YWHAQ: variants seen among roughly 807,000 people sequenced by gnomAD.
The protein encoded by YWHAQ is tyrosine 3-monooxygenase/tryptophan 5-monooxygenase activation protein theta.
YWHAQ carries 6 observed loss-of-function variants against 28.3 expected under a neutral mutation model. The observed-to-expected ratio is 0.21, with a 90% CI of 0.12 to 0.42. The LOEUF is 0.42. Ranked by LOEUF, YWHAQ falls within the 10% of genes least tolerant of loss-of-function variation. YWHAQ has a pLI of 1.00. For synonymous variants in YWHAQ, 143 were observed against 119.1 expected, an observed-to-expected ratio of 1.20 and a Z score of -1.31; for missense variants, 201 against 305.6, an observed-to-expected ratio of 0.66 and a Z score of 2.55.
At chr2:9,600,749 A>T (rs535376912) in intron 2 of YWHAQ, among the ~76,000 whole-genome samples, 5 of 152,230 alleles carry the variant, frequency 3.3e-5, no homozygotes, top group Non-Finnish European at 7.4e-5. Context: ...TTGTGAAAGG[A>T]AGCACAAACT....
At chr2:9,618,776 A>G (rs1223861589) in intron 2 of YWHAQ, among the ~76,000 whole-genome samples, 1 of 151,862 alleles carries the variant, frequency 6.6e-6, no homozygotes, top group Non-Finnish European at 1.5e-5. Flanking sequence ...AGCCTCCCAA[A>G]TTGCTAGGGT....
chr2:9,598,112 A>T (rs1176193630), intron 2 of YWHAQ, among the ~76,000 whole-genome samples: 2 of 149,900 alleles, frequency 1.3e-5, no homozygotes, highest in East Asian at 3.9e-4. Flanking sequence ...GATTACAGGC[A>T]TGAGCCACCG....
chr2:9,627,512 TAGTC>T (rs1374109023), intron 2 of YWHAQ, among the ~76,000 whole-genome samples: 1 of 152,190 alleles, frequency 6.6e-6, no homozygotes, highest in Non-Finnish European at 1.5e-5. Context: ...ACAGACTGGT[TAGTC>T]AGCCCTCAAA....
chr2:9,585,374 C>T, intron 5 of YWHAQ, 29 bp from the exon 6 acceptor site: 1 of 1,612,972 alleles, frequency 6.2e-7, no homozygotes, highest in South Asian at 1.1e-5. Context: ...TATTAAGTTA[C>T]TATTTCTAGA....
chr2:9,629,827 G>C (rs938657611), intron 2 of YWHAQ, among the ~76,000 whole-genome samples: 1 of 152,156 alleles, frequency 6.6e-6, no homozygotes, highest in Non-Finnish European at 1.5e-5. Context: ...TACATTTAAA[G>C]GGCTCACAGA....
intron 2 of YWHAQ, among the ~76,000 whole-genome samples, chr2:9,606,812 TC>T (rs1666839400): frequency 1.3e-5 from 2 of 152,180 alleles, no homozygotes; most frequent in South Asian, 4.1e-4. Context: ...ACTAATTAGT[TC>T]ATTTTTTAGC....
chr2:9,618,340 G>A (rs1185359399), intron 2 of YWHAQ, among the ~76,000 whole-genome samples: 1 of 152,166 alleles, frequency 6.6e-6, no homozygotes, highest in African/African-American at 2.4e-5. Flanking sequence ...CTCTAACAAG[G>A]ATAGTATCTG....
chr2:9,630,013 G>T lies in YWHAQ; in HGVS notation c.294+146C>A. The T allele has an allele frequency of 9.7e-7, 1 of 1,032,742 alleles. No homozygotes were observed. The highest frequency in any genetic ancestry group is 1.4e-6 in the Non-Finnish European group (1 of 721,844). The allele number at this position is 1,032,742 out of a possible 1,614,324, so 64.0% of individuals were successfully genotyped here. A position where few individuals can be genotyped will look rare whatever the true frequency, so the allele number is the denominator to read the frequency against. On this transcript the variant is annotated intron_variant, in intron 2 of 5. Coordinates refer to ENST00000238081, the MANE Select transcript of YWHAQ (RefSeq NM_006826.4). This position sits in a 1 kb window ranked among gnomAD's most constrained non-coding sequence, Gnocchi z 5.6. ...GAGTCTCAACAACCGGAGGGACACA[G>T]TAGGGAAGTCAGGGCTCACCTAAAA...
At chr2:9,605,012 T>C (rs1386068860) in intron 2 of YWHAQ, among the ~76,000 whole-genome samples, 2 of 152,178 alleles carry the variant, frequency 1.3e-5, no homozygotes, top group Non-Finnish European at 2.9e-5. Flanking sequence ...TGGAATTTCA[T>C]ACAGAATACT....
At chr2:9,594,983 T>A (rs1666541230) in intron 2 of YWHAQ, among the ~76,000 whole-genome samples, 1 of 150,966 alleles carries the variant, frequency 6.6e-6, no homozygotes, top group Admixed American at 6.6e-5. Context: ...TAACCTCTTC[T>A]TTCTAAAATT....
intron 2 of YWHAQ, among the ~76,000 whole-genome samples, chr2:9,597,266 C>T (rs1043769046): frequency 1.3e-5 from 2 of 152,154 alleles, no homozygotes; most frequent in Non-Finnish European, 2.9e-5. Context: ...CATATAACAT[C>T]AATTCATCTA....
At chr2:9,614,114 T>C (rs1168740434) in intron 2 of YWHAQ, among the ~76,000 whole-genome samples, 2 of 152,220 alleles carry the variant, frequency 1.3e-5, no homozygotes, top group Non-Finnish European at 2.9e-5. Flanking sequence ...AGCTGGATAC[T>C]GAGTGGCCAT....
chr2:9,622,593 G>A (rs527901822), intron 2 of YWHAQ, among the ~76,000 whole-genome samples: 2 of 152,216 alleles, frequency 1.3e-5, no homozygotes, highest in East Asian at 3.9e-4. Context: ...GGAATTTCTA[G>A]GGGAGGAAAA....
chr2:9,628,375 G>A (rs993809673), intron 2 of YWHAQ, among the ~76,000 whole-genome samples: 8 of 152,270 alleles, frequency 5.3e-5, no homozygotes, highest in Non-Finnish European at 1.0e-4. Context: ...TCTCTCTCAA[G>A]CTACGTATCA....
rs548155821 is a variant in YWHAQ at position 9,617,735 on chromosome 2, G to C, written c.294+12424C>G. ...GGAGGATCATCTGGCCCAGGAGTTT[G>C]AGACCAGCGTGGACAACAAAGTGAG... On this transcript the variant is annotated intron_variant, in intron 2 of 5. Coordinates refer to ENST00000238081, the MANE Select transcript of YWHAQ (RefSeq NM_006826.4). 9.2e-5 allele frequency among the ~76,000 whole-genome samples: 14 copies of C among 152,186 alleles called. 1 individual carries two copies. The South Asian group carries it at 2.9e-3, about 32-fold the overall frequency.
At chr2:9,607,508 T>C (rs1163114065) in intron 2 of YWHAQ, among the ~76,000 whole-genome samples, 1 of 151,420 alleles carries the variant, frequency 6.6e-6, no homozygotes, top group Non-Finnish European at 1.5e-5. Flanking sequence ...TACCTGGCAT[T>C]TTTCTATTAC....
chr2:9,593,357 C>A (rs993024649), intron 2 of YWHAQ, among the ~76,000 whole-genome samples: 2 of 151,150 alleles, frequency 1.3e-5, no homozygotes, highest in Middle Eastern at 3.4e-3. Context: ...TACAGGCGCA[C>A]ACCACCACGC....
Position 9,585,274 on chromosome 2 carries a change from C to A in YWHAQ, c.*12G>T, listed in dbSNP as rs1666319784. ...TTTCTTGAAGGAAAGAAGGATGACA[C>A]CCTGTATGGATTTAGTTTTCAGCCC... On this transcript the variant is annotated 3_prime_UTR_variant, in exon 6 of 6. Coordinates refer to ENST00000238081, the MANE Select transcript of YWHAQ (RefSeq NM_006826.4). 6.2e-7 allele frequency: 1 copy of A among 1,613,998 alleles called. No homozygotes were observed. Among genetic ancestry groups the A allele is most frequent in the African/African-American group, 1.3e-5 (1 of 75,034 alleles).
At chr2:9,623,387 T>G (rs1055715033) in intron 2 of YWHAQ, among the ~76,000 whole-genome samples, 13 of 152,344 alleles carry the variant, frequency 8.5e-5, no homozygotes, top group African/African-American at 3.1e-4. Flanking sequence ...TTCGAGAACT[T>G]AAGTAAATCC....
Sources: gnomAD v4.1 joint callset for allele counts (sites outside exome capture counted in the v4.1 genomes callset) on GRCh38, gnomAD v4.1.1 for gene constraint, Gnocchi (gnomAD v3.1) non-coding constraint, MANE v1.5 for transcripts, NCBI Gene and HGNC (gene_info 2026-07-23, HGNC 2026-07-21) for gene names.